The following COL5A2 variants were observed in gnomAD, a reference collection of about 807,000 sequenced individuals.
The protein encoded by COL5A2 is collagen alpha-2(V) chain.
A neutral mutation model predicts 208.2 loss-of-function variants in COL5A2; 23 were observed. The ratio of observed to expected loss-of-function variants is 0.11; its 90% CI spans 0.08 to 0.16. The LOEUF is 0.16. Among genes scored for constraint, COL5A2 ranks in the 10% least tolerant of loss-of-function variants. The pLI is 1.00. For synonymous variants in COL5A2, 625 were observed against 628.5 expected (o/e 0.99, Z 0.08); for missense variants, 1,590 against 1,956.4 (o/e 0.81, Z 3.53).
intron 1 of COL5A2, among the ~76,000 whole-genome samples, chr2:189,211,217 G>A (rs1277030489): frequency 1.3e-5 from 2 of 151,972 alleles, no homozygotes; most frequent in Non-Finnish European, 2.9e-5. Context: ...AACACTGTTC[G>A]GTATCATTTC....
Position 189,036,702 on chromosome 2 carries a change from T to C in COL5A2, c.4027A>G (p.Ser1343Gly), listed in dbSNP as rs749758989. 3 of 1,613,810 alleles carry C rather than the reference T, an allele frequency of 1.9e-6. No homozygotes were observed. Among genetic ancestry groups the C allele is most frequent in the South Asian group, 2.2e-5 (2 of 91,068 alleles). The change falls in exon 52 of 54, where the codon AGT becomes GGT. Residue 1343 changes from serine (S) to glycine (G), a missense_variant. By Grantham distance (56) the Ser-to-Gly change is moderately conservative (BLOSUM62 0). Coordinates refer to ENST00000374866, the MANE Select transcript of COL5A2 (RefSeq NM_000393.5). ...GETCISANPS[S>G]VPRKTWWASK... ...GCCCACCAGGTTTTACGTGGTACAC[T>C]GGATGGGTTTGCTGAAATACATGTT...
At chr2:189,248,104 T>G in the COL5A2 span, among the ~76,000 whole-genome samples, 211 of 152,342 alleles carry the variant, frequency 1.4e-3, 1 homozygote, top group African/African-American at 4.9e-3. Flanking sequence ...CTACTAGCTC[T>G]AAAATATTCA....
At chr2:189,197,899 G>C (rs1379055162) in intron 1 of COL5A2, among the ~76,000 whole-genome samples, 10 of 151,086 alleles carry the variant, frequency 6.6e-5, no homozygotes, top group Non-Finnish European at 1.5e-5. Flanking sequence ...ACCCAGGCTG[G>C]AGTGCAGCGG....
intron 22 of COL5A2, 75 bp from the exon 23 acceptor site, chr2:189,066,572 G>T (rs541281658): frequency 3.4e-6 from 5 of 1,485,470 alleles, no homozygotes; most frequent in Non-Finnish European, 3.8e-6. Context: ...CTAATTTAAC[G>T]AAGTCAGTCA....
At chr2:189,174,842 A>G (rs1688646652) in intron 1 of COL5A2, among the ~76,000 whole-genome samples, 1 of 152,230 alleles carries the variant, frequency 6.6e-6, no homozygotes, top group South Asian at 2.1e-4. Flanking sequence ...ACATATGTAG[A>G]AAGAGATATA....
intron 32 of COL5A2, 63 bp downstream of exon 32, chr2:189,058,786 A>C: frequency 3.5e-6 from 5 of 1,441,246 alleles, no homozygotes; most frequent in East Asian, 4.6e-5. Context: ...AGATTTTAAA[A>C]GACACCTTTT....
At chr2:189,050,988 A>G (rs951079014) in intron 42 of COL5A2, among the ~76,000 whole-genome samples, 2 of 152,124 alleles carry the variant, frequency 1.3e-5, no homozygotes, top group Admixed American at 6.5e-5. Flanking sequence ...AAGTTTAACA[A>G]TAAGGAAAAA....
intron 1 of COL5A2, among the ~76,000 whole-genome samples, chr2:189,194,588 A>G (rs1030266432): frequency 4.6e-5 from 7 of 152,304 alleles, no homozygotes; most frequent in Middle Eastern, 6.8e-3. Context: ...TAATTTAGCC[A>G]CTTCCCAGTT....
At chr2:189,066,906 A>G in intron 21 of COL5A2, 124 bp from the exon 22 acceptor site, 1 of 736,744 alleles carries the variant, frequency 1.4e-6, no homozygotes. Context: ...CATCAGTAGT[A>G]TAATATAATC....
the COL5A2 span, among the ~76,000 whole-genome samples, chr2:189,318,242 T>G: frequency 6.6e-6 from 1 of 152,200 alleles, no homozygotes; most frequent in African/African-American, 2.4e-5. Context: ...TGGCATGTAC[T>G]GACTTAAGAA....
chr2:189,061,060 TAG>T (rs1230205312), intron 30 of COL5A2, among the ~76,000 whole-genome samples: 2 of 152,208 alleles, frequency 1.3e-5, no homozygotes, highest in Admixed American at 1.3e-4. Flanking sequence ...TTCATATTTA[TAG>T]AGTTTTTATG....
intron 1 of COL5A2, among the ~76,000 whole-genome samples, chr2:189,200,055 A>G (rs1412050460): frequency 6.6e-6 from 1 of 152,196 alleles, no homozygotes; most frequent in Non-Finnish European, 1.5e-5. Flanking sequence ...AGTCCAGTGA[A>G]GTAGCTTTTT....
rs111268949 is a variant in COL5A2, at chr2:189,045,340, ATG to A, written c.3310-110_3310-109del. On this transcript the variant is annotated intron_variant, in intron 46 of 53. Coordinates refer to ENST00000374866, the MANE Select transcript of COL5A2 (RefSeq NM_000393.5). ...TTTATAGTTGGATGCATATATATATATGTGTGTGTGTGTGTGTGTGTGTGCAT... is the reference window on the plus strand; with the variant it reads ...TTTATAGTTGGATGCATATATATATATGTGTGTGTGTGTGTGTGTGTGCAT... 0.18 allele frequency: 97,097 copies of A among 548,654 alleles called. 4,151 individuals are homozygous for A. The highest frequency in any genetic ancestry group is 0.22 in the Middle Eastern group (491 of 2,186). The allele number at this position is 548,654 out of a possible 1,614,324, so 34.0% of individuals were successfully genotyped here.
Position 189,061,572 on chromosome 2 carries a change from G to A in COL5A2, c.2021C>T (p.Thr674Ile). 1 of 1,612,764 alleles carries A rather than the reference G, an allele frequency of 6.2e-7. No homozygotes were observed. Among genetic ancestry groups the A allele is most frequent in the Non-Finnish European group, 8.5e-7 (1 of 1,179,132 alleles). Residue 674 changes from threonine to isoleucine, a missense_variant, in exon 30 of 54, where the codon ACA becomes ATA. Physicochemically the swap from Thr to Ile is moderately conservative, Grantham distance 89. Coordinates refer to ENST00000374866, the MANE Select transcript of COL5A2 (RefSeq NM_000393.5). ...ERGEQGPPGP[T>I]GFQGLPGPPG... ...CGAATTAGTGCATACCTGAAAACCT[G>A]TGGGGCCTGGAGGTCCTTGTTCTCC...
At chr2:189,214,430 T>C (rs6732534) in intron 1 of COL5A2, among the ~76,000 whole-genome samples, 112,450 of 151,964 alleles carry the variant, frequency 0.74, 44,095 homozygotes, top group Non-Finnish European at 0.87. Context: ...AAACAATACA[T>C]ATATCCTTAT....
chr2:189,131,248 T>C (rs1687709088), intron 1 of COL5A2, among the ~76,000 whole-genome samples: 1 of 152,176 alleles, frequency 6.6e-6, no homozygotes, highest in South Asian at 2.1e-4. Flanking sequence ...TATCAAGTTC[T>C]TTCTTGGGTT....
chr2:189,126,804 C>A (rs938648589), intron 1 of COL5A2, among the ~76,000 whole-genome samples: 21 of 152,076 alleles, frequency 1.4e-4, no homozygotes, highest in African/African-American at 4.8e-4. Flanking sequence ...GAAATATCCA[C>A]AGAAATACTG....
the COL5A2 span, among the ~76,000 whole-genome samples, chr2:189,337,932 G>A: frequency 1.2e-4 from 18 of 152,146 alleles, no homozygotes; most frequent in African/African-American, 2.2e-4. Flanking sequence ...GAAGGAAGAC[G>A]TGCAGTTCTA....
At chr2:189,362,345 A>C in the COL5A2 span, among the ~76,000 whole-genome samples, 1 of 152,168 alleles carries the variant, frequency 6.6e-6, no homozygotes, top group Non-Finnish European at 1.5e-5. Flanking sequence ...CAAACCAATG[A>C]AAAGTATTCA....
Sources: allele counts gnomAD v4.1 joint callset (sites outside exome capture counted in the v4.1 genomes callset), GRCh38; gene constraint gnomAD v4.1.1; transcripts MANE v1.5; gene names NCBI Gene and HGNC (gene_info 2026-07-23, HGNC 2026-07-21).